Variants in CSRNP2 observed in about 807,000 individuals in gnomAD.
CSRNP2 encodes cysteine and serine rich nuclear protein 2, also known as cysteine/serine-rich nuclear protein 2.
CSRNP2 carries 11 observed loss-of-function variants against 36.6 expected under a neutral mutation model. The observed-to-expected ratio is 0.30, with a 90% CI of 0.19 to 0.50. The LOEUF is 0.50. CSRNP2 is among the 20% of genes least tolerant of loss of function. The pLI is 0.98. For missense variants in CSRNP2, 483 were observed against 691.4 expected (o/e 0.70, Z 3.38); for synonymous variants, 248 against 275.3 (o/e 0.90, Z 0.98).
At chr12:51,075,601 C>G (rs1939364554) in intron 2 of CSRNP2, among the ~76,000 whole-genome samples, 1 of 152,206 alleles carries the variant, frequency 6.6e-6, no homozygotes, top group South Asian at 2.1e-4. Context: ...GTCTCTGTTG[C>G]AATAATTCAA....
At chr12:51,069,034 G>A (rs950337602) in intron 3 of CSRNP2, among the ~76,000 whole-genome samples, 1 of 151,978 alleles carries the variant, frequency 6.6e-6, no homozygotes, top group Non-Finnish European at 1.5e-5. Context: ...GGAGTGCAGT[G>A]GCGTGATCTC....
chr12:51,078,010 T>G (rs1939462119), intron 1 of CSRNP2, among the ~76,000 whole-genome samples: 2 of 152,224 alleles, frequency 1.3e-5, no homozygotes, highest in South Asian at 4.1e-4. Context: ...CCATGTGTGA[T>G]GAGACACGAA....
intron 1 of CSRNP2, among the ~76,000 whole-genome samples, chr12:51,082,338 G>A (rs758868022): frequency 6.6e-6 from 1 of 152,136 alleles, no homozygotes; most frequent in Non-Finnish European, 1.5e-5. Context: ...CACAAGGTTA[G>A]AATTTTCCAT....
At chr12:51,076,744 A>T (rs749720738) in intron 1 of CSRNP2, 97 bp from the exon 2 acceptor site, 1 of 604,240 alleles carries the variant, frequency 1.7e-6, no homozygotes, top group Non-Finnish European at 2.9e-6. Flanking sequence ...CTCACCTAGC[A>T]CTGATGTCTG....
rs977319229 is a variant in CSRNP2 at position 51,076,553 on chromosome 12, T to G, written c.9A>C (p.Ala3=). The G allele has an allele frequency of 1.2e-6, 2 of 1,613,966 alleles. No homozygotes were observed. The highest frequency in any genetic ancestry group is 1.3e-5 in the African/African-American group (1 of 74,906). The change falls in exon 2 of 5, where the codon GCA becomes GCC. Residue 3 remains alanine, a synonymous_variant. Coordinates refer to ENST00000228515, the MANE Select transcript of CSRNP2 (RefSeq NM_030809.3). ...TCCTCTTGAGACCCGAGCCCGTGAA[T>G]GCATCCATTGGTTTCAAAGGGGTTT... MD[A]FTGSGLKRKF...
chr12:51,079,995 C>A (rs868396833), intron 1 of CSRNP2, among the ~76,000 whole-genome samples: 31 of 143,688 alleles, frequency 2.2e-4, no homozygotes, highest in South Asian at 1.4e-3. Context: ...ATCGCTTGAA[C>A]CCAGGAGGCG....
rs368076632 is a variant in CSRNP2, at chr12:51,069,226, C to T, written c.412-1257G>A. 2.2e-4 allele frequency among the ~76,000 whole-genome samples: 33 copies of T among 151,832 alleles called. No individual in the cohort carries two copies. In the South Asian group the frequency reaches 4.6e-3, roughly 21 times the overall value. ...TCCTGACCTTGTAATCTGCCCACCT[C>T]GGCCTCCCAAAGTGATGGGATTACA... On this transcript the variant is annotated intron_variant, in intron 3 of 4. Coordinates refer to ENST00000228515, the MANE Select transcript of CSRNP2 (RefSeq NM_030809.3).
Position 51,063,517 on chromosome 12 carries a change from G to A in CSRNP2, c.*229C>T, listed in dbSNP as rs1277610732. 5 of 348,220 alleles carry A rather than the reference G, an allele frequency of 1.4e-5. No individual in the cohort carries two copies. The highest frequency in any genetic ancestry group is 9.1e-5 in the South Asian group (1 of 10,988). The allele number at this position is 348,220 out of a possible 1,614,324, so 21.6% of individuals were successfully genotyped here. ...CAGAAAGCTTAATGTTCAGCACTAC[G>A]CAGCTTTCTTTGCCCCAAGACTATC... On this transcript the variant is annotated 3_prime_UTR_variant, in exon 5 of 5. Coordinates refer to ENST00000228515, the MANE Select transcript of CSRNP2 (RefSeq NM_030809.3).
chr12:51,082,839 C>T (rs1458315622), intron 1 of CSRNP2: 4 of 152,234 alleles, frequency 2.6e-5, no homozygotes, highest in African/African-American at 9.7e-5. Context: ...CCTGCCGAAC[C>T]CTTCAGCTCT....
chr12:51,066,640 C>CAA (rs11432305), intron 4 of CSRNP2, among the ~76,000 whole-genome samples: 113 of 145,222 alleles, frequency 7.8e-4, no homozygotes, highest in South Asian at 2.2e-3. Flanking sequence ...GACTCCGTCT[C>CAA]AAAAAAAAAA....
chr12:51,081,275 C>T (rs1415996461), intron 1 of CSRNP2, among the ~76,000 whole-genome samples: 2 of 151,858 alleles, frequency 1.3e-5, no homozygotes, highest in Non-Finnish European at 2.9e-5. Flanking sequence ...GTGACAGAGC[C>T]AGACCTGCCT....
At chr12:51,082,625 C>G (rs1296571586) in intron 1 of CSRNP2, 1 of 152,190 alleles carries the variant, frequency 6.6e-6, no homozygotes, top group Non-Finnish European at 1.5e-5. Flanking sequence ...CCACTCTCAA[C>G]CCCTTTAAAA....
chr12:51,062,788 C>CTCA lies in CSRNP2; in HGVS notation c.*955_*957dup, dbSNP rs1169921782. ...TTCTACATTCCACTAAAGCTCAGAT[C>CTCA]TCACAAAGAGGGAAAAACCTGGGTG... On this transcript the variant is annotated 3_prime_UTR_variant, in exon 5 of 5. Coordinates refer to ENST00000228515, the MANE Select transcript of CSRNP2 (RefSeq NM_030809.3). 1 of 152,356 alleles carries CTCA rather than the reference C, an allele frequency of 6.6e-6. No homozygotes were observed. Among genetic ancestry groups the CTCA allele is most frequent in the African/African-American group, 2.4e-5 (1 of 41,450 alleles). 9.4% of individuals were successfully genotyped at this position (152,356 alleles called of 1,614,324 possible). A position where few individuals can be genotyped will look rare whatever the true frequency, so the allele number is the denominator to read the frequency against.
chr12:51,064,157 G>A lies in CSRNP2; in HGVS notation c.1221C>T (p.Asn407=), dbSNP rs984099959. The change falls in exon 5 of 5, where the codon AAC becomes AAT. Residue 407 remains asparagine, a synonymous_variant. Coordinates refer to ENST00000228515, the MANE Select transcript of CSRNP2 (RefSeq NM_030809.3). ...GCCCACTGTTCAAGTAGGATGGGCT[G>A]TTCACCGTTGAGGCAGTTGGGTGGT... ...NSDHPTASTV[N]SPSYLNSGPL... is the part of the protein sequence containing the mutation. 50 of 1,614,066 alleles carry A rather than the reference G, an allele frequency of 3.1e-5. No homozygotes were observed. Among genetic ancestry groups the A allele is most frequent in the Non-Finnish European group, 4.1e-5 (48 of 1,180,038 alleles).
chr12:51,071,259 CA>C (rs34960606), intron 3 of CSRNP2, among the ~76,000 whole-genome samples: 57 of 118,558 alleles, frequency 4.8e-4, no homozygotes, highest in African/African-American at 5.3e-4. Context: ...GACCCTGCAT[CA>C]AAAAAAAAAA....
At position 51,067,573 on chromosome 12, in the gene CSRNP2, G is replaced by T. The variant is rs553354690; in HGVS notation, c.708+100C>A. ...AACTGGAGAGTGTTCACAACCATAG[G>T]GAATCCACCCCTGAATGGGCCTCCC... On this transcript the variant is annotated intron_variant, in intron 4 of 4. Coordinates refer to ENST00000228515, the MANE Select transcript of CSRNP2 (RefSeq NM_030809.3). This position sits in a 1 kb window ranked among gnomAD's most constrained non-coding sequence, Gnocchi z 4.1. 161 of 1,169,104 alleles carry T rather than the reference G, an allele frequency of 1.4e-4. No individual in the cohort carries two copies. The highest frequency in any genetic ancestry group is 1.9e-4 in the Non-Finnish European group (153 of 809,280). The allele number at this position is 1,169,104 out of a possible 1,614,324, so 72.4% of individuals were successfully genotyped here.
intron 1 of CSRNP2, among the ~76,000 whole-genome samples, chr12:51,081,062 C>T (rs1373164356): frequency 6.6e-6 from 1 of 152,062 alleles, no homozygotes; most frequent in African/African-American, 2.4e-5. Context: ...CCAAGGCGGG[C>T]AGATCACTTG....
chr12:51,073,456 G>A (rs1358083671), intron 3 of CSRNP2, among the ~76,000 whole-genome samples: 1 of 151,744 alleles, frequency 6.6e-6, no homozygotes, highest in East Asian at 1.9e-4. Flanking sequence ...AATCAGCTGG[G>A]TGCAGTGGCT....
At chr12:51,079,769 CAAAA>C (rs35767986) in intron 1 of CSRNP2, among the ~76,000 whole-genome samples, 4 of 35,012 alleles carry the variant, frequency 1.1e-4, no homozygotes, top group Admixed American at 1.1e-3. Flanking sequence ...GAGACCTTGT[CAAAA>C]AAAAAAAAAA....
Sources: allele counts gnomAD v4.1 joint callset (sites outside exome capture counted in the v4.1 genomes callset), GRCh38; gene constraint gnomAD v4.1.1; non-coding constraint Gnocchi (gnomAD v3.1); transcripts MANE v1.5; gene names NCBI Gene and HGNC (gene_info 2026-07-23, HGNC 2026-07-21).